STX2: variants seen among roughly 807,000 people sequenced by gnomAD.
The protein encoded by STX2 is syntaxin 2.
A neutral mutation model predicts 40.6 loss-of-function variants in STX2; 27 were observed. The ratio of observed to expected loss-of-function variants is 0.66; its 90% confidence interval spans 0.49 to 0.92. STX2 has a LOEUF of 0.92. STX2 is among the 40% of genes least tolerant of loss of function. STX2 has a pLI of 0.00. For synonymous variants in STX2, 123 were observed against 119.1 expected, an observed-to-expected ratio of 1.03 and a Z score of -0.22; for missense variants, 328 against 366.1, an observed-to-expected ratio of 0.90 and a Z score of 0.85.
intron 6 of STX2, among the ~76,000 whole-genome samples, chr12:130,801,949 A>T (rs1951244724): frequency 1.3e-5 from 2 of 152,244 alleles, no homozygotes; most frequent in Admixed American, 1.3e-4. Flanking sequence ...AATGACTTCG[A>T]AGAAACATGT....
At chr12:130,833,181 A>C (rs1334549143) in intron 1 of STX2, among the ~76,000 whole-genome samples, 1 of 152,144 alleles carries the variant, frequency 6.6e-6, no homozygotes, top group Non-Finnish European at 1.5e-5. Flanking sequence ...AATGAAGAGC[A>C]AGAGAAGGGC....
chr12:130,811,139 T>C lies in STX2; in HGVS notation c.280+1818A>G, dbSNP rs1043205725. Among the ~76,000 whole-genome samples the C allele has an allele frequency of 7.0e-4, 106 of 151,964 alleles. 3 individuals are homozygous for C. Among genetic ancestry groups the C allele is most frequent in the Non-Finnish European group, 1.0e-4 (7 of 67,996 alleles). On this transcript the variant is annotated intron_variant, in intron 4 of 10. Transcript: ENST00000392373. The stretch of plus-strand genomic sequence containing the variant: ...TTGGGAGGCTGAGACTGGCGGATCA[T>C]TTGAGGTCAGGAGTTTGAGACCAGC...
At chr12:130,797,903 G>T (rs2178078) in intron 9 of STX2, among the ~76,000 whole-genome samples, 149,342 of 152,326 alleles carry the variant, frequency 0.98, 73,272 homozygotes, top group East Asian at 1. Context: ...AAACCAAGAA[G>T]TCACGAATAA....
intron 3 of STX2, among the ~76,000 whole-genome samples, chr12:130,818,832 C>T (rs7968675): frequency 0.55 from 83,666 of 151,898 alleles, 25,892 homozygotes; most frequent in East Asian, 0.87. Flanking sequence ...ACTGCAGGAG[C>T]GAATCAAATC....
At chr12:130,834,201 T>C (rs1952677706) in intron 1 of STX2, among the ~76,000 whole-genome samples, 2 of 151,876 alleles carry the variant, frequency 1.3e-5, no homozygotes, top group South Asian at 4.2e-4. Context: ...CTGGCCAATG[T>C]GGTGAAACTC....
At chr12:130,803,912 G>A (rs934029812) in intron 6 of STX2, among the ~76,000 whole-genome samples, 4 of 152,160 alleles carry the variant, frequency 2.6e-5, no homozygotes, top group African/African-American at 9.7e-5. Flanking sequence ...ACTGAGTCAT[G>A]GCTATTTATA....
In STX2 at chr12:130,791,771, A is replaced by G. The variant is rs2136999055; in HGVS notation, c.*252T>C. The G allele has an allele frequency of 1.2e-6, 1 of 804,608 alleles. No individual in the cohort carries two copies. Among genetic ancestry groups the G allele is most frequent in the Admixed American group, 2.4e-5 (1 of 40,878 alleles). 49.8% of individuals were successfully genotyped at this position (804,608 alleles called of 1,614,324 possible). On this transcript the variant is annotated 3_prime_UTR_variant, in exon 11 of 11. Transcript: ENST00000392373. ...TCGGTTGTGCTTCTTCCGTGAACTC[A>G]TACATTACAAGGTCAGCACTCGATG... is the stretch of plus-strand genomic sequence containing the variant.
rs577412402 is a variant in STX2, at chr12:130,789,845, C to A, written c.*2178G>T. 3 of 152,606 alleles carry A rather than the reference C, an allele frequency of 2.0e-5. No homozygotes were observed. Among genetic ancestry groups the A allele is most frequent in the African/African-American group, 7.2e-5 (3 of 41,564 alleles). The allele number at this position is 152,606 out of a possible 1,614,324, so 9.5% of individuals were successfully genotyped here. ...ATCATTGGACAAGTGACTTAAATAT[C>A]TAAATACAAATCAAATAGCATTTTC... On this transcript the variant is annotated 3_prime_UTR_variant, in exon 11 of 11. Coordinates refer to ENST00000392373, the MANE Select transcript of STX2 (RefSeq NM_194356.4).
At chr12:130,820,755 C>T (rs544928749) in intron 3 of STX2, among the ~76,000 whole-genome samples, 3 of 152,234 alleles carry the variant, frequency 2.0e-5, no homozygotes, top group South Asian at 2.1e-4. Flanking sequence ...ATAAATACAA[C>T]GAAAGATGTG....
intron 1 of STX2, among the ~76,000 whole-genome samples, chr12:130,835,302 A>AT (rs397953998): frequency 6.6e-6 from 1 of 152,216 alleles, no homozygotes; most frequent in Non-Finnish European, 1.5e-5. Flanking sequence ...GAAAAAAAAA[A>AT]GAGATTTGCA....
At chr12:130,802,228 C>T (rs1320378154) in intron 6 of STX2, among the ~76,000 whole-genome samples, 3 of 152,226 alleles carry the variant, frequency 2.0e-5, no homozygotes, top group Non-Finnish European at 4.4e-5. Context: ...GACAGGGTCT[C>T]ACTCTGTCGC....
At chr12:130,837,270 T>A (rs1171991846) in intron 1 of STX2, among the ~76,000 whole-genome samples, 1 of 151,902 alleles carries the variant, frequency 6.6e-6, no homozygotes, top group Admixed American at 6.6e-5. Flanking sequence ...GAGTCACACC[T>A]GGATAGTTTT....
intron 1 of STX2, among the ~76,000 whole-genome samples, chr12:130,831,668 G>A (rs1952563788): frequency 1.3e-5 from 2 of 152,070 alleles, no homozygotes; most frequent in South Asian, 2.1e-4. Flanking sequence ...TGCTGACTCT[G>A]GGCCAGTTTG....
chr12:130,801,006 G>T, intron 8 of STX2, 147 bp downstream of exon 8: 1 of 781,856 alleles, frequency 1.3e-6, no homozygotes, highest in Non-Finnish European at 1.9e-6. Context: ...CAGCATTTCA[G>T]CATCACATAT....
intron 2 of STX2, among the ~76,000 whole-genome samples, chr12:130,823,220 G>A (rs1952180980): frequency 6.6e-6 from 1 of 152,208 alleles, no homozygotes; most frequent in Non-Finnish European, 1.5e-5. Context: ...GCTGAGGCAG[G>A]AAGATCACTT....
intron 10 of STX2, among the ~76,000 whole-genome samples, chr12:130,795,362 A>G (rs975326015): frequency 2.0e-5 from 3 of 152,198 alleles, no homozygotes. Flanking sequence ...GAGACAAAAC[A>G]TTACAACTGA....
chr12:130,828,258 G>A (rs1052977807), intron 1 of STX2, among the ~76,000 whole-genome samples: 5 of 151,680 alleles, frequency 3.3e-5, no homozygotes, highest in East Asian at 1.9e-4. Flanking sequence ...TCACTCTGTC[G>A]CCCAGGCTGG....
At chr12:130,812,851 C>T (rs969193082) in intron 4 of STX2, 106 bp downstream of exon 4, 1 of 765,954 alleles carries the variant, frequency 1.3e-6, no homozygotes, top group South Asian at 1.8e-5. Context: ...AAAGCAGTCA[C>T]TATTTTAATT....
intron 8 of STX2, among the ~76,000 whole-genome samples, chr12:130,800,870 A>T (rs1023378303): frequency 1.3e-5 from 2 of 152,240 alleles, no homozygotes; most frequent in East Asian, 3.8e-4. Flanking sequence ...TATTTCAGTA[A>T]GAATTCTCCA....
Sources: gnomAD v4.1 joint callset for allele counts (sites outside exome capture counted in the v4.1 genomes callset) on GRCh38, gnomAD v4.1.1 for gene constraint, MANE v1.5 for transcripts, NCBI Gene and HGNC (gene_info 2026-07-23, HGNC 2026-07-21) for gene names.